The following CBX5 variants were observed in gnomAD, a reference collection of about 807,000 sequenced individuals.
CBX5 encodes chromobox 5, also known as chromobox protein homolog 5.
A neutral mutation model predicts 20.7 loss-of-function variants in CBX5; 7 were observed. The ratio of observed to expected loss-of-function variants is 0.34; its 90% CI spans 0.19 to 0.63. CBX5 has a LOEUF of 0.63. CBX5 is among the 30% of genes least tolerant of loss of function. The probability of loss-of-function intolerance (pLI) is 0.75; values close to 1 mark genes in which losing one functional copy is unlikely to be tolerated. For missense variants in CBX5, 110 were observed against 224.1 expected (o/e 0.49, Z 3.25); for synonymous variants, 78 against 77.0 (o/e 1.01, Z -0.07).
rs1565871135 is a variant in CBX5, at chr12:54,257,547, A to G, written c.104T>C (p.Val35Ala). Residue 35 changes from valine to alanine, a missense_variant, in exon 2 of 5, where the codon GTG becomes GCG. Around this residue, in one of 3 missense-constraint regions of CBX5, gnomAD observed 58 missense variants for 120.6 expected, o/e 0.48. Coordinates refer to ENST00000209875, the MANE Select transcript of CBX5 (RefSeq NM_012117.3). ...VLDRRVVKGQ[V>A]EYLLKWKGFS... ...GCCTTTCCACTTCAGTAGATATTCC[A>G]CTTGTCCCTTAACCACGCGCCTGTC... The G allele has an allele frequency of 6.2e-7, 1 of 1,614,208 alleles. No individual in the cohort carries two copies. The highest frequency in any genetic ancestry group is 2.2e-5 in the East Asian group (1 of 44,886).
At chr12:54,261,204 A>C (rs1465248376) in intron 1 of CBX5, among the ~76,000 whole-genome samples, 1 of 151,988 alleles carries the variant, frequency 6.6e-6, no homozygotes, top group East Asian at 1.9e-4. Context: ...AAAAAAAAAA[A>C]AGAACTCAGT....
chr12:54,242,545 C>T (rs1943688921), intron 4 of CBX5, among the ~76,000 whole-genome samples: 1 of 148,180 alleles, frequency 6.7e-6, no homozygotes, highest in Non-Finnish European at 1.5e-5. Context: ...AAAAAAAAAA[C>T]CTACATTCAG....
intron 1 of CBX5, among the ~76,000 whole-genome samples, chr12:54,269,553 T>A (rs1035662863): frequency 5.9e-5 from 9 of 151,864 alleles, no homozygotes; most frequent in African/African-American, 2.2e-4. Flanking sequence ...CATGCCTGGC[T>A]CATTTTTGTA....
chr12:54,253,753 A>C (rs1943832650), intron 2 of CBX5, among the ~76,000 whole-genome samples: 11 of 141,986 alleles, frequency 7.7e-5, no homozygotes, highest in East Asian at 2.1e-4. Context: ...AAAAAAAATC[A>C]CTGAATTGTA....
intron 1 of CBX5, chr12:54,272,738 T>C (rs1944022182): frequency 6.6e-6 from 1 of 152,224 alleles, no homozygotes; most frequent in Non-Finnish European, 1.5e-5. Flanking sequence ...TGTTGTAATT[T>C]GTAATGTTTT....
intron 1 of CBX5, among the ~76,000 whole-genome samples, chr12:54,268,236 A>C (rs1943975954): frequency 6.6e-6 from 1 of 152,194 alleles, no homozygotes; most frequent in Non-Finnish European, 1.5e-5. Flanking sequence ...GGAATTTAAA[A>C]GCTGTAAAAA....
At chr12:54,259,328 C>G (rs1943892929) in intron 1 of CBX5, 1 of 152,164 alleles carries the variant, frequency 6.6e-6, no homozygotes, top group Middle Eastern at 3.2e-3. Context: ...AAACCAGCCC[C>G]ATGTTAGATG....
In CBX5 at chr12:54,257,695, G is replaced by A; in HGVS notation, c.-42-3C>T. 6.2e-7 allele frequency: 1 copy of A among 1,609,606 alleles called. No homozygotes were observed. Among genetic ancestry groups the A allele is most frequent in the Non-Finnish European group, 8.5e-7 (1 of 1,177,160 alleles). ...GAAAGACTAAGGCCACCAGGTCCCTGCAAAGGCAAAGGACAAAATGGTTAG... is the reference window on the plus strand; with the variant it reads ...GAAAGACTAAGGCCACCAGGTCCCTACAAAGGCAAAGGACAAAATGGTTAG... On this transcript the variant is annotated splice_polypyrimidine_tract_variant and splice_region_variant and intron_variant, in intron 1 of 4. Coordinates refer to ENST00000209875, the MANE Select transcript of CBX5 (RefSeq NM_012117.3).
intron 1 of CBX5, among the ~76,000 whole-genome samples, chr12:54,258,837 C>T (rs573476643): frequency 1.8e-4 from 28 of 152,232 alleles, no homozygotes; most frequent in Non-Finnish European, 3.8e-4. Flanking sequence ...TAAATATTTC[C>T]ACCCTGACCA....
In CBX5 at chr12:54,239,767, C is replaced by G. The variant is rs941624615; in HGVS notation, c.*1988G>C. The G allele has an allele frequency of 1.3e-5, 2 of 152,244 alleles. No individual in the cohort carries two copies. The highest frequency in any genetic ancestry group is 4.8e-5 in the African/African-American group (2 of 41,454). The allele number at this position is 152,244 out of a possible 1,614,324, so 9.4% of individuals were successfully genotyped here. On this transcript the variant is annotated 3_prime_UTR_variant, in exon 5 of 5. Coordinates refer to ENST00000209875, the MANE Select transcript of CBX5 (RefSeq NM_012117.3). The stretch of plus-strand genomic sequence containing the variant: ...CCTGGCTGACTTAAACCAAAAGCTT[C>G]ATTGTTCCAGTCTGTCATGTCACTG...
At chr12:54,249,355 A>G (rs1943768839) in intron 3 of CBX5, among the ~76,000 whole-genome samples, 1 of 150,806 alleles carries the variant, frequency 6.6e-6, no homozygotes, top group Non-Finnish European at 1.5e-5. Context: ...ACAGAGTGAG[A>G]CTATGTCTCA....
intron 1 of CBX5, among the ~76,000 whole-genome samples, chr12:54,271,336 C>CT (rs1170896655): frequency 6.6e-6 from 1 of 151,702 alleles, no homozygotes; most frequent in Non-Finnish European, 1.5e-5. Context: ...TTTTTCTTTT[C>CT]TTTTTTTGAG....
At chr12:54,249,415 C>G (rs1172276780) in intron 3 of CBX5, among the ~76,000 whole-genome samples, 2 of 149,504 alleles carry the variant, frequency 1.3e-5, no homozygotes, top group Non-Finnish European at 3.0e-5. Context: ...TGGGGTGCAT[C>G]TTAGGCACTG....
At chr12:54,276,153 A>C (rs766662750) in intron 1 of CBX5, among the ~76,000 whole-genome samples, 33 of 152,092 alleles carry the variant, frequency 2.2e-4, no homozygotes, top group Non-Finnish European at 3.8e-4. Context: ...TAATCTTTCA[A>C]AGTAAAACAC....
intron 1 of CBX5, 55 bp from the exon 2 acceptor site, chr12:54,257,747 G>A (rs1943876276): frequency 7.2e-7 from 1 of 1,388,342 alleles, no homozygotes; most frequent in South Asian, 1.3e-5. Context: ...TAAAAACTTT[G>A]TCTTTTCTTG....
chr12:54,247,635 A>G (rs1354970420), intron 3 of CBX5, among the ~76,000 whole-genome samples: 1 of 152,198 alleles, frequency 6.6e-6, no homozygotes, highest in Non-Finnish European at 1.5e-5. Flanking sequence ...ATCCATGTGT[A>G]GTAACACTGA....
At chr12:54,277,375 TTG>T (rs1944080005) in intron 1 of CBX5, among the ~76,000 whole-genome samples, 3 of 152,298 alleles carry the variant, frequency 2.0e-5, no homozygotes, top group Non-Finnish European at 4.4e-5. Context: ...GGCTAATTTT[TTG>T]TGTTTTTAGT....
chr12:54,250,973 T>C (rs556059606), intron 3 of CBX5, among the ~76,000 whole-genome samples: 127 of 149,454 alleles, frequency 8.5e-4, no homozygotes, highest in African/African-American at 2.9e-3. Context: ...CTACTAAAGA[T>C]ACAAAAAATT....
rs375334225 is a variant in CBX5, at chr12:54,268,241, T to TA, written c.-42-10550dup. The stretch of plus-strand genomic sequence containing the variant: ...TCTCTCTGTGGGAATTTAAAAGCTG[T>TA]AAAAAAAATACATAATGGGTGATGA... On this transcript the variant is annotated intron_variant, in intron 1 of 4. Transcript: ENST00000209875. Among the ~76,000 whole-genome samples, 340 of 151,944 alleles carry TA rather than the reference T, an allele frequency of 2.2e-3. 3 individuals carry two copies. The highest frequency in any genetic ancestry group is 7.9e-3 in the African/African-American group (326 of 41,444).
Sources: allele counts gnomAD v4.1 joint callset (sites outside exome capture counted in the v4.1 genomes callset), GRCh38; gene constraint gnomAD v4.1.1; regional missense constraint gnomAD v4.1.1; transcripts MANE v1.5; gene names NCBI Gene and HGNC (gene_info 2026-07-23, HGNC 2026-07-21).